Variants in TET2 observed in about 807,000 individuals in gnomAD.
TET2 encodes the protein methylcytosine dioxygenase TET2.
Under a neutral mutation model 142.9 loss-of-function variants are expected in TET2, and 299 were observed. The observed-to-expected ratio is 2.09, with a 90% CI of 1.90 to 2.30. TET2 has a LOEUF of 2.30. TET2 is among the 30% of genes most tolerant of loss of function. The pLI is 0.00. For synonymous variants in TET2, 819 were observed against 849.0 expected, an observed-to-expected ratio of 0.96 and a Z score of 0.61; for missense variants, 2,418 against 2,378.0, an observed-to-expected ratio of 1.02 and a Z score of -0.35.
At chr4:105,202,066 A>C (rs761497470) in intron 2 of TET2, among the ~76,000 whole-genome samples, 11 of 152,062 alleles carry the variant, frequency 7.2e-5, no homozygotes, top group Admixed American at 4.6e-4. Flanking sequence ...TAGATTACCA[A>C]CTTCTGTCTT....
intron 2 of TET2, among the ~76,000 whole-genome samples, chr4:105,232,751 G>A (rs1313429971): frequency 3.3e-5 from 5 of 152,164 alleles, no homozygotes; most frequent in African/African-American, 9.7e-5. Flanking sequence ...GTATGCGGGG[G>A]GAAGAAAACA....
Position 105,235,107 on chromosome 4 carries a change from A to G in TET2, c.1165A>G (p.Lys389Glu), listed in dbSNP as rs143360504. Residue 389 changes from lysine (K) to glutamate (E), a missense_variant, in exon 3 of 11, where the codon AAG (lysine) becomes GAG (glutamate). Lys to Glu is a moderately conservative substitution (Grantham distance 56). Transcript: ENST00000380013. Reference sequence around the variant, plus strand: ...CTTCAAGCAAAGCTCAGTGTTCACTAAGGATTCCTTTTCTGCCACTACCAC... The same window carrying G: ...CTTCAAGCAAAGCTCAGTGTTCACTGAGGATTCCTTTTCTGCCACTACCAC... ...AYFKQSSVFT[K>E]DSFSATTTPP... 2 of 1,614,034 alleles carry G rather than the reference A, an allele frequency of 1.2e-6. No homozygotes were observed. The highest frequency in any genetic ancestry group is 8.5e-7 in the Non-Finnish European group (1 of 1,179,970).
In TET2 at chr4:105,254,421, T is replaced by C. The variant is rs1578708297; in HGVS notation, c.3804-5198T>C. On this transcript the variant is annotated intron_variant, in intron 6 of 10. Coordinates refer to ENST00000380013, the MANE Select transcript of TET2 (RefSeq NM_001127208.3). Reference sequence around the variant, plus strand: ...GTTCATAATATTTCTTTATTATCCTTTGTTTTTGAGACAGGGTCTCACTCT... The same window carrying C: ...GTTCATAATATTTCTTTATTATCCTCTGTTTTTGAGACAGGGTCTCACTCT... Among the ~76,000 whole-genome samples the C allele has an allele frequency of 2.0e-5, 3 of 152,306 alleles. No homozygotes were observed. The South Asian group carries it at 6.2e-4, about 32-fold the overall frequency.
chr4:105,236,975 T>C lies in TET2; in HGVS notation c.3033T>C (p.Asn1011=), dbSNP rs1728972344. The change falls in exon 3 of 11, where the codon AAT becomes AAC. Residue 1011 remains asparagine (N), a synonymous_variant. Transcript: ENST00000380013. ...KTWKKVTKQE[N]PPASCDNVQQ... ...GGAAAAAGGTAACTAAGCAAGAGAA[T>C]CCACCTGCAAGCTGTGATAATGTGC... 1 of 1,614,070 alleles carries C rather than the reference T, an allele frequency of 6.2e-7. No homozygotes were observed. The highest frequency in any genetic ancestry group is 8.5e-7 in the Non-Finnish European group (1 of 1,179,996).
chr4:105,226,737 CTCACCCAAAGCAGATGCCAG>C, intron 2 of TET2, among the ~76,000 whole-genome samples: 1 of 152,144 alleles, frequency 6.6e-6, no homozygotes, highest in Middle Eastern at 3.4e-3. Flanking sequence ...TTTGTAAGGC[CTCACCCAAAGCAGATGCCAG>C]TGCTTTGCCT....
At chr4:105,171,948 A>G (rs1724492203) in intron 1 of TET2, among the ~76,000 whole-genome samples, 1 of 152,184 alleles carries the variant, frequency 6.6e-6, no homozygotes, top group African/African-American at 2.4e-5. Flanking sequence ...ATTGGTATAT[A>G]TTTGGTATAG....
intron 2 of TET2, among the ~76,000 whole-genome samples, chr4:105,209,170 C>T (rs1320359278): frequency 2.1e-5 from 3 of 141,920 alleles, no homozygotes; most frequent in Middle Eastern, 4.3e-3. Context: ...TTTTTTTATC[C>T]ATTCACTTTT....
Position 105,235,743 on chromosome 4 carries a change from AC to A in TET2, c.1803del (p.Ser602ProfsTer37). The stretch of plus-strand genomic sequence containing the variant: ...TCAACCCAATCTCTCCAATCAAATG[AC>A]CTCCAAACAATACACTGGAAATTCC... ...QYQPNLSNQMTSKQYTGNSNM... is the reference protein window; with the variant it reads ...QYQPNLSNQMXSKQYTGNSNM... On this transcript the variant is annotated frameshift_variant, in exon 3 of 11. Transcript: ENST00000380013. LOFTEE classifies it high-confidence loss of function. The A allele has an allele frequency of 6.2e-7, 1 of 1,614,084 alleles. No homozygotes were observed.
chr4:105,250,287 G>A (rs186200745), intron 6 of TET2, among the ~76,000 whole-genome samples: 13 of 150,936 alleles, frequency 8.6e-5, no homozygotes, highest in African/African-American at 3.2e-4. Flanking sequence ...TTGAAATCAA[G>A]ACAGGTAAGT....
At chr4:105,168,439 C>T (rs1724275875) in intron 1 of TET2, among the ~76,000 whole-genome samples, 1 of 152,102 alleles carries the variant, frequency 6.6e-6, no homozygotes, top group African/African-American at 2.4e-5. Flanking sequence ...GAGCACCCTT[C>T]CTTCAGAGAG....
At chr4:105,172,674 C>G (rs1197192813) in intron 1 of TET2, 1 of 151,990 alleles carries the variant, frequency 6.6e-6, no homozygotes, top group Non-Finnish European at 1.5e-5. Flanking sequence ...ATTCAAATGC[C>G]TGTATGTTTA....
intron 1 of TET2, among the ~76,000 whole-genome samples, chr4:105,181,452 C>T (rs1725116748): frequency 6.6e-6 from 1 of 152,200 alleles, no homozygotes. Flanking sequence ...ATCTTGGTTT[C>T]TACAACACAG....
chr4:105,255,436 T>C (rs1730074513), intron 6 of TET2, among the ~76,000 whole-genome samples: 1 of 152,232 alleles, frequency 6.6e-6, no homozygotes, highest in South Asian at 2.1e-4. Context: ...CACGTGTGCT[T>C]GAGAAGAATG....
chr4:105,208,138 A>G (rs1008718379), intron 2 of TET2, among the ~76,000 whole-genome samples: 2 of 152,276 alleles, frequency 1.3e-5, no homozygotes, highest in African/African-American at 2.4e-5. Flanking sequence ...GGTTATCTCA[A>G]TATCTTCCTG....
chr4:105,261,632 A>C, intron 7 of TET2, 127 bp from the exon 8 acceptor site: 1 of 491,220 alleles, frequency 2.0e-6, no homozygotes, highest in Non-Finnish European at 3.7e-6. Flanking sequence ...TGCTTTATTT[A>C]GTAATAAAGG....
intron 4 of TET2, chr4:105,242,513 A>G (rs2110251821): frequency 8.9e-7 from 1 of 1,123,772 alleles, no homozygotes; most frequent in African/African-American, 1.6e-5. Flanking sequence ...TTTATGTTTT[A>G]GAAGACTGAA....
At chr4:105,212,771 C>G (rs974616601) in intron 2 of TET2, among the ~76,000 whole-genome samples, 21 of 152,078 alleles carry the variant, frequency 1.4e-4, no homozygotes, top group Admixed American at 4.6e-4. Flanking sequence ...GGGTGGATCA[C>G]CTGAAGTCAG....
At chr4:105,197,070 G>C (rs1019602280) in intron 2 of TET2, among the ~76,000 whole-genome samples, 1 of 152,148 alleles carries the variant, frequency 6.6e-6, no homozygotes, top group African/African-American at 2.4e-5. Context: ...ATCGGAGCTT[G>C]AACCTCAGAG....
In TET2 at chr4:105,273,846, C is replaced by T. The variant is rs143987665; in HGVS notation, c.4537+928C>T. ...TACAGCTGTAGTAATAACAATAGAACATTATTCATGAATACTAAGTTATTG... is the reference window on the plus strand; with the variant it reads ...TACAGCTGTAGTAATAACAATAGAATATTATTCATGAATACTAAGTTATTG... On this transcript the variant is annotated intron_variant, in intron 10 of 10. Coordinates refer to ENST00000380013, the MANE Select transcript of TET2 (RefSeq NM_001127208.3). 9.7e-4 allele frequency among the ~76,000 whole-genome samples: 148 copies of T among 152,144 alleles called. 1 individual carries two copies. The highest frequency in any genetic ancestry group is 3.4e-3 in the African/African-American group (142 of 41,512).
Sources: allele counts gnomAD v4.1 joint callset (sites outside exome capture counted in the v4.1 genomes callset), GRCh38; gene constraint gnomAD v4.1.1; transcripts MANE v1.5; gene names NCBI Gene and HGNC (gene_info 2026-07-23, HGNC 2026-07-21).